The following LILRA2 variants were observed in gnomAD, a reference collection of about 807,000 sequenced individuals.
LILRA2 encodes leukocyte immunoglobulin-like receptor subfamily A member 2.
Under a neutral mutation model 47.9 loss-of-function variants are expected in LILRA2, and 45 were observed. The ratio of observed to expected loss-of-function variants is 0.94; its 90% CI spans 0.74 to 1.20. LILRA2 has a LOEUF of 1.20. Among genes scored for constraint, LILRA2 ranks in the 50% most tolerant of loss-of-function variants. The pLI, the probability that LILRA2 is intolerant of heterozygous loss-of-function variation, is 0.00. For missense variants in LILRA2, 651 were observed against 598.2 expected, an observed-to-expected ratio of 1.09 and a Z score of -0.92; for synonymous variants, 279 against 249.2, an observed-to-expected ratio of 1.12 and a Z score of -1.13.
rs2062302813 is a variant in LILRA2, at chr19:54,574,561, C to G, written c.331C>G (p.Pro111Ala). Residue 111 changes from proline to alanine, a missense_variant, in exon 3 of 8, where the codon CCC (proline) becomes GCC (alanine). Physicochemically the swap from Pro to Ala is conservative, Grantham distance 27. Transcript: ENST00000391738. ...SHNHSSEYSDPLELVVTGAYS... is the reference protein window; with the variant it reads ...SHNHSSEYSDALELVVTGAYS... ...CAATCACTCATCAGAGTACAGTGAC[C>G]CCCTGGAGCTGGTGGTGACAGGTGA... 10 of 1,613,850 alleles carry G rather than the reference C, an allele frequency of 6.2e-6. No homozygotes were observed. The highest frequency in any genetic ancestry group is 8.5e-6 in the Non-Finnish European group (10 of 1,179,892).
At position 54,574,543 on chromosome 19, in the gene LILRA2, T is replaced by C; in HGVS notation, c.313T>C (p.Ser105Pro). Residue 105 changes from serine (S) to proline (P), a missense_variant, in exon 3 of 8, where the codon TCA (serine) becomes CCA (proline). By Grantham distance (74) the Ser-to-Pro change is moderately conservative. Transcript: ENST00000391738. ...CTGTCAGTACTACAGCCACAATCAC[T>C]CATCAGAGTACAGTGACCCCCTGGA... The part of the protein sequence containing the change: ...YHCQYYSHNH[S>P]SEYSDPLELV... The C allele has an allele frequency of 6.2e-7, 1 of 1,603,176 alleles. No individual in the cohort carries two copies. Among genetic ancestry groups the C allele is most frequent in the Non-Finnish European group, 8.5e-7 (1 of 1,169,994 alleles).
At chr19:54,579,848 G>A (rs1245432371) in intron 6 of LILRA2, among the ~76,000 whole-genome samples, 1 of 152,052 alleles carries the variant, frequency 6.6e-6, no homozygotes, top group East Asian at 1.9e-4. Context: ...TGGATTCCTA[G>A]GTATTTTATT....
At chr19:54,573,740 C>A (rs1474677016), upstream of LILRA2, 24 of 1,560,252 alleles carry the variant, frequency 1.5e-5, no homozygotes, top group East Asian at 5.2e-4. Flanking sequence ...GGCAGTTGCA[C>A]TTCCTGTGTG....
rs746763713 is a variant in LILRA2 at position 54,576,050 on chromosome 19, T to A, written c.1196T>A (p.Leu399His). ...HVGTYRCYSS[L>H]SSNPYLLSLP... Reference sequence around the variant, plus strand: ...GGGACCTACAGATGCTACAGCTCACTCAGCTCCAACCCCTACCTGCTGTCT... The same window carrying A: ...GGGACCTACAGATGCTACAGCTCACACAGCTCCAACCCCTACCTGCTGTCT... The change falls in exon 6 of 8, where the codon CTC becomes CAC. Residue 399 changes from leucine (L) to histidine (H), a missense_variant. Physicochemically the swap from Leu to His is moderately conservative, Grantham distance 99. Coordinates refer to ENST00000391738, the MANE Select transcript of LILRA2 (RefSeq NM_001130917.3). 1 of 1,613,848 alleles carries A rather than the reference T, an allele frequency of 6.2e-7. No individual in the cohort carries two copies. Among genetic ancestry groups the A allele is most frequent in the Non-Finnish European group, 8.5e-7 (1 of 1,179,932 alleles).
intron 6 of LILRA2, among the ~76,000 whole-genome samples, chr19:54,586,432 T>A (rs1294998706): frequency 6.6e-6 from 1 of 152,170 alleles, no homozygotes; most frequent in African/African-American, 2.4e-5. Context: ...ACTGCCTGTA[T>A]GAGGAATTAG....
rs762577532 is a variant in LILRA2, at chr19:54,574,851, GAGA to G, written c.477_479del (p.Glu159del). On this transcript the variant is annotated inframe_deletion, in exon 4 of 8. Transcript: ENST00000391738. ...GACGGCTTCATTCTGTGTAAGGAAG[GAGA>G]AGATGAACACCCACAACGCCTGAAC... 38 of 1,613,576 alleles carry G rather than the reference GAGA, an allele frequency of 2.4e-5. No individual in the cohort carries two copies. The South Asian group carries it at 4.1e-4, about 17-fold the overall frequency.
chr19:54,575,238 A>G lies in LILRA2; in HGVS notation c.656-18A>G. 6.3e-7 allele frequency: 1 copy of G among 1,597,764 alleles called. No individual in the cohort carries two copies. The highest frequency in any genetic ancestry group is 8.5e-7 in the Non-Finnish European group (1 of 1,169,882). On this transcript the variant is annotated intron_variant, in intron 4 of 7. Coordinates refer to ENST00000391738, the MANE Select transcript of LILRA2 (RefSeq NM_001130917.3). ...GCCTGAGGGTCGGCTCCTGGAAACC[A>G]TGAACACCTTTTCCCAGGTGTTTCT...
At chr19:54,573,759 T>A, upstream of LILRA2, 1 of 1,590,502 alleles carries the variant, frequency 6.3e-7, no homozygotes, top group East Asian at 2.2e-5. Context: ...TGGTTGCACA[T>A]AACAAAACCC....
intron 6 of LILRA2, among the ~76,000 whole-genome samples, chr19:54,578,585 G>T (rs145230943): frequency 6.6e-6 from 1 of 152,200 alleles, no homozygotes; most frequent in African/African-American, 2.4e-5. Context: ...GTAAACATAT[G>T]TGTGCATGTG....
intron 6 of LILRA2, among the ~76,000 whole-genome samples, chr19:54,579,011 T>C (rs2062562399): frequency 6.6e-6 from 1 of 152,178 alleles, no homozygotes; most frequent in Non-Finnish European, 1.5e-5. Context: ...TTCTGGATAT[T>C]AGCACTTTGC....
At position 54,576,005 on chromosome 19, in the gene LILRA2, C is replaced by T. The variant is rs759626170; in HGVS notation, c.1151C>T (p.Pro384Leu). The T allele has an allele frequency of 2.5e-6, 4 of 1,613,952 alleles. No individual in the cohort carries two copies. Among genetic ancestry groups the T allele is most frequent in the Admixed American group, 3.3e-5 (2 of 60,002 alleles). The stretch of plus-strand genomic sequence containing the variant: ...AACCAGGCTGAATTCCGCATGGGTC[C>T]TGTGACCTCAGCCCACGTGGGGACC... ...QQNQAEFRMG[P>L]VTSAHVGTYR... The change falls in exon 6 of 8, where the codon CCT becomes CTT. Residue 384 changes from proline (P) to leucine (L), a missense_variant. Pro to Leu is a moderately conservative substitution (Grantham distance 98, BLOSUM62 -3). Coordinates refer to ENST00000391738, the MANE Select transcript of LILRA2 (RefSeq NM_001130917.3).
Position 54,575,468 on chromosome 19 carries a change from G to C in LILRA2, c.868G>C (p.Gly290Arg). 6.2e-7 allele frequency: 1 copy of C among 1,613,630 alleles called. No individual in the cohort carries two copies. The highest frequency in any genetic ancestry group is 8.5e-7 in the Non-Finnish European group (1 of 1,179,952). The change falls in exon 5 of 8, where the codon GGG (glycine) becomes CGG (arginine). Residue 290 changes from glycine to arginine, a missense_variant. Physicochemically the swap from Gly to Arg is moderately radical, Grantham distance 125 (BLOSUM62 -2). Transcript: ENST00000391738. ...FTLGPVSPSH[G>R]GQYRCYSAHN... ...CCTGGGCCCTGTGAGCCCCTCCCAC[G>C]GGGGCCAGTACAGATGCTACAGTGC...
intron 6 of LILRA2, among the ~76,000 whole-genome samples, chr19:54,585,369 C>T (rs569209439): frequency 2.0e-5 from 3 of 152,314 alleles, no homozygotes; most frequent in East Asian, 3.9e-4. Flanking sequence ...GCCCTTTGTT[C>T]TACTATGCCC....
chr19:54,574,681 G>C (rs765299478), intron 3 of LILRA2, 50 bp from the exon 4 acceptor site: 9 of 1,602,434 alleles, frequency 5.6e-6, no homozygotes, highest in Non-Finnish European at 7.7e-6. Context: ...CCCTGGGGAT[G>C]ATGTGGGAGG....
intron 6 of LILRA2, among the ~76,000 whole-genome samples, chr19:54,582,179 G>A (rs1464856164): frequency 1.3e-5 from 2 of 152,180 alleles, no homozygotes; most frequent in African/African-American, 4.8e-5. Context: ...TGGTTTGCCA[G>A]TATTTTATTG....
intron 3 of LILRA2, 49 bp downstream of exon 3, chr19:54,574,631 G>T (rs1295525677): frequency 1.2e-6 from 2 of 1,606,580 alleles, no homozygotes; most frequent in East Asian, 2.2e-5. Flanking sequence ...CCTCAGGAAG[G>T]GGGTCGGCTC....
intron 6 of LILRA2, among the ~76,000 whole-genome samples, chr19:54,580,198 T>TC (rs1390433107): frequency 3.3e-5 from 4 of 120,182 alleles, no homozygotes; most frequent in African/African-American, 1.0e-4. Context: ...TTTTCTTTTC[T>TC]TTTTTTTTTT....
At chr19:54,584,924 G>A (rs1163840452) in intron 6 of LILRA2, among the ~76,000 whole-genome samples, 1 of 152,140 alleles carries the variant, frequency 6.6e-6, no homozygotes, top group Non-Finnish European at 1.5e-5. Context: ...TCTACCTTTG[G>A]TCTTTGATGT....
At chr19:54,576,222 G>A in intron 6 of LILRA2, 113 bp downstream of exon 6, 1 of 1,466,266 alleles carries the variant, frequency 6.8e-7, no homozygotes, top group Non-Finnish European at 9.4e-7. Flanking sequence ...GGGTCCACAG[G>A]GGAGGGTCCA....
Sources: gnomAD v4.1 joint callset for allele counts (sites outside exome capture counted in the v4.1 genomes callset) on GRCh38, gnomAD v4.1.1 for gene constraint, MANE v1.5 for transcripts, NCBI Gene and HGNC (gene_info 2026-07-23, HGNC 2026-07-21) for gene names.